MYLK: variants seen among roughly 807,000 people sequenced by gnomAD.
MYLK encodes myosin light chain kinase, also known as myosin light chain kinase, smooth muscle.
MYLK carries 106 observed loss-of-function variants against 203.4 expected under a neutral mutation model. That is an observed-to-expected ratio of 0.52 (90% CI 0.45 to 0.61). MYLK has a LOEUF of 0.61. Ranked by LOEUF, MYLK falls within the 20% of genes least tolerant of loss-of-function variation. The pLI, the probability that MYLK is intolerant of heterozygous loss-of-function variation, is 0.00. For missense variants in MYLK, 2,072 were observed against 2,442.3 expected, an observed-to-expected ratio of 0.85 and a Z score of 3.20; for synonymous variants, 867 against 959.5, an observed-to-expected ratio of 0.90 and a Z score of 1.78.
chr3:123,624,118 C>T (rs927143667), intron 31 of MYLK: 4 of 151,942 alleles, frequency 2.6e-5, no homozygotes, highest in Non-Finnish European at 5.9e-5. Context: ...GCCAGGAGTT[C>T]AAGACTAGTC....
intron 3 of MYLK, 54 bp downstream of exon 3, chr3:123,831,494 A>ACCCTG: frequency 8.4e-7 from 1 of 1,192,518 alleles, no homozygotes; most frequent in Non-Finnish European, 1.1e-6. Flanking sequence ...CAGCCTCCCC[A>ACCCTG]GGGTGGACTG....
In MYLK at chr3:123,640,290, G is replaced by T. The variant is rs1309391189; in HGVS notation, c.4834C>A (p.Leu1612Met). ...GGGAGAGGCAGATGAGCCTTACCCA[G>T]CCTCCTGGCCAGACCAAAGTCGATG... The part of the protein sequence containing the change: ...KLIDFGLARR[L>M]ENAGSLKVLF... Residue 1612 changes from leucine (L) to methionine (M), a missense_variant, in exon 28 of 34, where the codon CTG becomes ATG. Transcript: ENST00000360304. The surrounding 1 kb of genome is among the most constrained non-coding windows in gnomAD (Gnocchi z 4.3). The T allele has an allele frequency of 1.2e-6, 2 of 1,613,848 alleles. No individual in the cohort carries two copies. Among genetic ancestry groups the T allele is most frequent in the Non-Finnish European group, 1.7e-6 (2 of 1,179,960 alleles).
intron 4 of MYLK, among the ~76,000 whole-genome samples, chr3:123,787,311 G>A (rs923068413): frequency 1.2e-4 from 19 of 152,198 alleles, no homozygotes; most frequent in African/African-American, 4.6e-4. Context: ...GGAGGAGCAG[G>A]AAGCAGGTGC....
intron 3 of MYLK, among the ~76,000 whole-genome samples, chr3:123,808,452 G>A (rs1396183356): frequency 6.6e-6 from 1 of 151,968 alleles, no homozygotes; most frequent in African/African-American, 2.4e-5. Context: ...TTTGGGTGAA[G>A]CATTTTTATA....
At chr3:123,627,480 T>C (rs139157612) in intron 30 of MYLK, among the ~76,000 whole-genome samples, 153 of 152,322 alleles carry the variant, frequency 1.0e-3, no homozygotes, top group African/African-American at 3.3e-3. Flanking sequence ...AACCTATGAA[T>C]TATGACTACT....
At position 123,681,830 on chromosome 3, in the gene MYLK, G is replaced by A. The variant is rs1020033976; in HGVS notation, c.3652+394C>T. The A allele has an allele frequency of 1.0e-5, 3 of 297,184 alleles. No individual in the cohort carries two copies. The East Asian group carries it at 2.3e-4, about 23-fold the overall frequency. The allele number at this position is 297,184 out of a possible 1,614,324, so 18.4% of individuals were successfully genotyped here. A position where few individuals can be genotyped will look rare whatever the true frequency, so the allele number is the denominator to read the frequency against. On this transcript the variant is annotated intron_variant, in intron 20 of 33. Coordinates refer to ENST00000360304, the MANE Select transcript of MYLK (RefSeq NM_053025.4). ...GGGGGCCACTGCATATTTCAACCAG[G>A]AGTGATGAGATCAGAGTTACAATCC... is the stretch of plus-strand genomic sequence containing the variant.
chr3:123,867,909 T>A (rs541190444), intron 2 of MYLK, among the ~76,000 whole-genome samples: 17 of 152,314 alleles, frequency 1.1e-4, no homozygotes, highest in Admixed American at 1.1e-3. Context: ...GCTGTGTACA[T>A]GCAAAGACTC....
chr3:123,703,303 C>T lies in MYLK; in HGVS notation c.2391-1794G>A, dbSNP rs142903296. Among the ~76,000 whole-genome samples the T allele has an allele frequency of 8.3e-3, 1,260 of 152,332 alleles. 8 individuals carry two copies. Among genetic ancestry groups the T allele is most frequent in the Admixed American group, 0.017 (266 of 15,312 alleles). On this transcript the variant is annotated intron_variant, in intron 16 of 33. Coordinates refer to ENST00000360304, the MANE Select transcript of MYLK (RefSeq NM_053025.4). ...AGGAGAAGCCAATCGTTGCTGTCCT[C>T]CAGCCCTCCTCCCGCCTGCTGGGCT...
intron 24 of MYLK, 133 bp downstream of exon 24, chr3:123,656,993 A>C (rs2059407251): frequency 6.0e-6 from 6 of 1,002,538 alleles, no homozygotes; most frequent in Non-Finnish European, 9.3e-6. Context: ...GGAAACCAAG[A>C]CCCCAAAAGA....
At chr3:123,643,110 C>G (rs1433078639) in intron 27 of MYLK, among the ~76,000 whole-genome samples, 2 of 152,206 alleles carry the variant, frequency 1.3e-5, no homozygotes, top group African/African-American at 2.4e-5. Flanking sequence ...CTTTCCCTCA[C>G]TGGGCATCCA....
At chr3:123,867,420 C>A (rs2032406087) in intron 2 of MYLK, among the ~76,000 whole-genome samples, 2 of 133,324 alleles carry the variant, frequency 1.5e-5, no homozygotes, top group Admixed American at 7.5e-5. Flanking sequence ...TGACTAGTAT[C>A]CAAAAAAAAA....
chr3:123,867,465 G>A (rs1241543309), intron 2 of MYLK, among the ~76,000 whole-genome samples: 1 of 151,648 alleles, frequency 6.6e-6, no homozygotes, highest in African/African-American at 2.4e-5. Flanking sequence ...GGATGCATTG[G>A]ACGCAGACAC....
chr3:123,764,169 T>C (rs1409316755), intron 4 of MYLK, among the ~76,000 whole-genome samples: 1 of 152,354 alleles, frequency 6.6e-6, no homozygotes, highest in East Asian at 1.9e-4. Context: ...GAGAGAAACT[T>C]CTTTGAAGTT....
At chr3:123,676,725 T>C (rs949944196) in intron 20 of MYLK, among the ~76,000 whole-genome samples, 1 of 152,216 alleles carries the variant, frequency 6.6e-6, no homozygotes, top group African/African-American at 2.4e-5. Flanking sequence ...CCTTGGAGCA[T>C]GGGAACTTAT....
intron 19 of MYLK, among the ~76,000 whole-genome samples, chr3:123,687,658 CT>C (rs1429176333): frequency 4.9e-5 from 7 of 144,238 alleles, no homozygotes; most frequent in Non-Finnish European, 8.9e-5. Context: ...CCTTCCTTCC[CT>C]TTCTTCCTTT....
At chr3:123,736,896 C>T (rs1215436148) in intron 8 of MYLK, among the ~76,000 whole-genome samples, 1 of 152,140 alleles carries the variant, frequency 6.6e-6, no homozygotes, top group African/African-American at 2.4e-5. Flanking sequence ...TCCCTCGTGG[C>T]CAGGTCTGCG....
At chr3:123,668,550 C>T (rs897432259) in intron 20 of MYLK, among the ~76,000 whole-genome samples, 6 of 152,142 alleles carry the variant, frequency 3.9e-5, no homozygotes, top group African/African-American at 1.4e-4. Flanking sequence ...GGGAAATGTT[C>T]TGTGGTGACA....
intron 4 of MYLK, among the ~76,000 whole-genome samples, chr3:123,774,879 GT>G (rs2064012527): frequency 6.6e-6 from 1 of 152,100 alleles, no homozygotes. Context: ...ACTAGTGTTT[GT>G]TTATGCGCTG....
In MYLK at chr3:123,614,210, G is replaced by A; in HGVS notation, c.5640C>T (p.Tyr1880=). The A allele has an allele frequency of 6.2e-7, 1 of 1,614,048 alleles. No individual in the cohort carries two copies. The highest frequency in any genetic ancestry group is 8.5e-7 in the Non-Finnish European group (1 of 1,180,020). ...CAAGACTGTTGACAGCCTTGCAGGT[G>A]TACTTGGCATCGTCATCCCCGCAAA... ...SDVCGDDDAK[Y]TCKAVNSLGE... The change falls in exon 34 of 34, where the codon TAC becomes TAT. Residue 1880 remains tyrosine, a synonymous_variant. Transcript: ENST00000360304.
Sources: gnomAD v4.1 joint callset for allele counts (sites outside exome capture counted in the v4.1 genomes callset) on GRCh38, gnomAD v4.1.1 for gene constraint, Gnocchi (gnomAD v3.1) non-coding constraint, MANE v1.5 for transcripts, NCBI Gene and HGNC (gene_info 2026-07-23, HGNC 2026-07-21) for gene names.